CCDC171: variants seen among roughly 807,000 people sequenced by gnomAD.
The protein encoded by CCDC171 is coiled-coil domain containing 171, also known as coiled-coil domain-containing protein 171.
In CCDC171, 177 loss-of-function variants were observed where a neutral mutation model predicts 168.2. The ratio of observed to expected loss-of-function variants is 1.05; its 90% CI spans 0.93 to 1.19. The LOEUF is 1.19. Among genes scored for constraint, CCDC171 ranks in the 50% most tolerant of loss-of-function variants. The pLI, the probability that CCDC171 is intolerant of heterozygous loss-of-function variation, is 0.00. For missense variants in CCDC171, 1,991 were observed against 1,539.0 expected (o/e 1.29, Z -4.91); for synonymous variants, 687 against 540.8 (o/e 1.27, Z -3.75).
chr9:15,810,295 CTCCAAG>C (rs1563781422), intron 21 of CCDC171, among the ~76,000 whole-genome samples: 6 of 152,230 alleles, frequency 3.9e-5, no homozygotes. Flanking sequence ...CATAAAAGTT[CTCCAAG>C]TCCCCACCCG....
intron 6 of CCDC171, among the ~76,000 whole-genome samples, chr9:15,598,620 A>G (rs933528012): frequency 6.6e-6 from 1 of 152,118 alleles, no homozygotes; most frequent in African/African-American, 2.4e-5. Context: ...AAGAATTTGT[A>G]TTCTGTTGAT....
chr9:15,604,782 C>G (rs756988544), intron 6 of CCDC171, among the ~76,000 whole-genome samples: 3 of 152,226 alleles, frequency 2.0e-5, no homozygotes, highest in Non-Finnish European at 4.4e-5. Context: ...GTAGTGACAA[C>G]TCGGAGGAAG....
At chr9:15,883,621 A>G (rs1563933851) in intron 24 of CCDC171, among the ~76,000 whole-genome samples, 1 of 152,174 alleles carries the variant, frequency 6.6e-6, no homozygotes, top group South Asian at 2.1e-4. Context: ...AAAGGACAAG[A>G]TGACATTTAA....
At chr9:16,075,242 A>G in the CCDC171 span, among the ~76,000 whole-genome samples, 1 of 152,092 alleles carries the variant, frequency 6.6e-6, no homozygotes, top group African/African-American at 2.4e-5. Flanking sequence ...TCAGCACCCT[A>G]ATTCGTTATT....
At chr9:15,992,328 C>A (rs528641273) in intron 3 of CCDC171, among the ~76,000 whole-genome samples, 1 of 152,180 alleles carries the variant, frequency 6.6e-6, no homozygotes, top group South Asian at 2.1e-4. Context: ...AAGACAGAAA[C>A]CACATGATTA....
At chr9:15,801,872 GA>G (rs1430550558) in intron 21 of CCDC171, among the ~76,000 whole-genome samples, 1 of 151,966 alleles carries the variant, frequency 6.6e-6, no homozygotes, top group Non-Finnish European at 1.5e-5. Flanking sequence ...AGCATCAATT[GA>G]AATGATTATA....
chr9:15,641,617 A>G (rs1381173363), intron 7 of CCDC171, among the ~76,000 whole-genome samples: 1 of 152,148 alleles, frequency 6.6e-6, no homozygotes, highest in Non-Finnish European at 1.5e-5. Flanking sequence ...AACATGTATC[A>G]AAGGGTTGGA....
At chr9:15,820,333 C>G (rs1230003830) in intron 21 of CCDC171, among the ~76,000 whole-genome samples, 39 of 110,814 alleles carry the variant, frequency 3.5e-4, no homozygotes, top group East Asian at 4.5e-4. Context: ...CAAGAAATAA[C>G]TAAAATCAGA....
At chr9:15,590,766 T>C (rs1271162763) in intron 4 of CCDC171, among the ~76,000 whole-genome samples, 8 of 114,090 alleles carry the variant, frequency 7.0e-5, no homozygotes, top group Non-Finnish European at 1.1e-4. Context: ...CTTCTTTCTT[T>C]CTTTCTCTTT....
chr9:15,794,892 C>T (rs1343646165), intron 21 of CCDC171, among the ~76,000 whole-genome samples: 1 of 152,166 alleles, frequency 6.6e-6, no homozygotes, highest in African/African-American at 2.4e-5. Flanking sequence ...ACTTTTAGAT[C>T]TGTAGTCTTA....
the CCDC171 span, among the ~76,000 whole-genome samples, chr9:16,097,629 A>G: frequency 3.3e-5 from 5 of 152,228 alleles, no homozygotes; most frequent in African/African-American, 1.2e-4. Context: ...ATCTTTACCT[A>G]GCATGATCCT....
intron 9 of CCDC171, among the ~76,000 whole-genome samples, chr9:15,677,510 A>G (rs1181201502): frequency 6.6e-6 from 1 of 152,112 alleles, no homozygotes; most frequent in Non-Finnish European, 1.5e-5. Context: ...GTCTCCTGCA[A>G]TATAATTTAA....
intron 6 of CCDC171, among the ~76,000 whole-genome samples, chr9:15,607,793 A>G (rs1243225623): frequency 6.6e-6 from 1 of 152,166 alleles, no homozygotes; most frequent in Non-Finnish European, 1.5e-5. Context: ...GTTAAAGTTA[A>G]TAAAATAGCT....
At chr9:16,089,601 G>T in the CCDC171 span, among the ~76,000 whole-genome samples, 4 of 151,832 alleles carry the variant, frequency 2.6e-5, no homozygotes, top group African/African-American at 4.8e-5. Context: ...CACATGGCTA[G>T]CCAGTTTTCC....
intron 8 of CCDC171, among the ~76,000 whole-genome samples, chr9:16,037,493 T>C (rs920319379): frequency 2.6e-5 from 4 of 152,150 alleles, no homozygotes; most frequent in African/African-American, 9.7e-5. Context: ...AGAGAACCAG[T>C]GGATAGAATA....
chr9:15,640,712 A>G (rs1385406457), intron 7 of CCDC171, among the ~76,000 whole-genome samples: 1 of 152,162 alleles, frequency 6.6e-6, no homozygotes, highest in African/African-American at 2.4e-5. Flanking sequence ...AAGGATGATA[A>G]ATAGTAAAGG....
chr9:16,078,098 ACT>A, the CCDC171 span, among the ~76,000 whole-genome samples: 15 of 139,242 alleles, frequency 1.1e-4, no homozygotes, highest in South Asian at 4.5e-4. Flanking sequence ...ACACACACAC[ACT>A]CACAAAGGTG....
intron 3 of CCDC171, among the ~76,000 whole-genome samples, chr9:16,016,930 C>CA (rs776691990): frequency 6.6e-6 from 1 of 152,102 alleles, no homozygotes; most frequent in Non-Finnish European, 1.5e-5. Context: ...ACAGCATGCA[C>CA]AAATACTTTT....
intron 21 of CCDC171, among the ~76,000 whole-genome samples, chr9:15,802,314 A>T (rs1335881441): frequency 6.6e-6 from 1 of 151,982 alleles, no homozygotes; most frequent in Non-Finnish European, 1.5e-5. Context: ...ACCTACGTAA[A>T]TGTGTGCCAT....
Sources: allele counts gnomAD v4.1 joint callset (sites outside exome capture counted in the v4.1 genomes callset), GRCh38; gene constraint gnomAD v4.1.1; transcripts MANE v1.5; gene names NCBI Gene and HGNC (gene_info 2026-07-23, HGNC 2026-07-21).